SAXO1: variants seen among roughly 807,000 people sequenced by gnomAD.
SAXO1 encodes stabilizer of axonemal microtubules 1.
Under a neutral mutation model 17.5 loss-of-function variants are expected in SAXO1, and 21 were observed. That is an observed-to-expected ratio of 1.20 (90% confidence interval 0.85 to 1.72). SAXO1 has a LOEUF of 1.72. Among genes scored for constraint, SAXO1 ranks in the 40% most tolerant of loss-of-function variants. SAXO1 has a pLI of 0.00. For missense variants in SAXO1, 843 were observed against 596.0 expected (o/e 1.41, Z -4.32); for synonymous variants, 274 against 216.5 (o/e 1.27, Z -2.33).
intron 1 of SAXO1, among the ~76,000 whole-genome samples, chr9:19,008,283 G>A (rs1345568513): frequency 2.0e-5 from 3 of 151,978 alleles, no homozygotes; most frequent in Non-Finnish European, 4.4e-5. Context: ...CAGCCTACCT[G>A]GTCCTTTATA....
In SAXO1 at chr9:18,950,277, A is replaced by G. The variant is rs182424590; in HGVS notation, c.218+481T>C. ...TTGAAGAACATTCAGGAGAACCCCA[A>G]TTCAAAATTTACAGCAGCATAATTT... On this transcript the variant is annotated intron_variant, in intron 2 of 3. Coordinates refer to ENST00000380534, the MANE Select transcript of SAXO1 (RefSeq NM_153707.4). 3.1e-4 allele frequency among the ~76,000 whole-genome samples: 30 copies of G among 96,306 alleles called. No individual in the cohort carries two copies. In the East Asian group the frequency reaches 6.6e-3, roughly 21 times the overall value. The allele number at this position is 96,306 out of a possible 152,430, so 63.2% of individuals were successfully genotyped here. A position where few individuals can be genotyped will look rare whatever the true frequency, so the allele number is the denominator to read the frequency against.
chr9:19,031,386 AC>A (rs1835763740), intron 1 of SAXO1, among the ~76,000 whole-genome samples: 1 of 152,082 alleles, frequency 6.6e-6, no homozygotes, highest in Non-Finnish European at 1.5e-5. Flanking sequence ...CATGGTTGAA[AC>A]CCTGTCTCTA....
At chr9:18,941,554 A>C (rs1588414243) in intron 3 of SAXO1, 83 bp downstream of exon 3, 1 of 1,502,478 alleles carries the variant, frequency 6.7e-7, no homozygotes, top group East Asian at 2.3e-5. Context: ...GCACTAACTG[A>C]GTATGCACAT....
Position 18,962,111 on chromosome 9 carries a change from A to G in SAXO1, c.39-11174T>C, listed in dbSNP as rs563877257. Among the ~76,000 whole-genome samples, 3 of 152,076 alleles carry G rather than the reference A, an allele frequency of 2.0e-5. No individual in the cohort carries two copies. The East Asian group carries it at 5.8e-4, about 29-fold the overall frequency. ...AGATGGAGTTTTGCTCTTGTTGCCC[A>G]AGCAGGAGTGTAATGGCGTAATCAC... On this transcript the variant is annotated intron_variant, in intron 1 of 3. Coordinates refer to ENST00000380534, the MANE Select transcript of SAXO1 (RefSeq NM_153707.4).
intron 1 of SAXO1, among the ~76,000 whole-genome samples, chr9:19,023,138 C>T (rs979685122): frequency 8.0e-6 from 1 of 125,658 alleles, no homozygotes; most frequent in Non-Finnish European, 1.7e-5. Context: ...CACCAGATTA[C>T]ATCCCCCCCC....
intron 1 of SAXO1, among the ~76,000 whole-genome samples, chr9:18,974,017 C>G (rs1833041810): frequency 6.6e-6 from 1 of 152,168 alleles, no homozygotes; most frequent in Non-Finnish European, 1.5e-5. Context: ...GACATTGGTG[C>G]TCAGTATCCA....
chr9:19,013,540 A>ATTTTTTTTT (rs1219136885), intron 1 of SAXO1, among the ~76,000 whole-genome samples: 2 of 93,196 alleles, frequency 2.1e-5, no homozygotes, highest in African/African-American at 4.3e-5. Context: ...AAAAGTACGG[A>ATTTTTTTTT]TTTTTTTTTT....
At chr9:18,929,360 C>G (rs1445781389) in intron 3 of SAXO1, among the ~76,000 whole-genome samples, 1 of 152,210 alleles carries the variant, frequency 6.6e-6, no homozygotes, top group East Asian at 1.9e-4. Context: ...AAAAGTTCAA[C>G]CACTAGCTTA....
In SAXO1 at chr9:18,964,167, G is replaced by C. The variant is rs920004418; in HGVS notation, c.39-13230C>G. Among the ~76,000 whole-genome samples, 6 of 152,158 alleles carry C rather than the reference G, an allele frequency of 3.9e-5. No individual in the cohort carries two copies. The East Asian group carries it at 1.2e-3, about 29-fold the overall frequency. ...GCTTTTTGATGTGCTGCTCGATTCGGTTTGCCAGTATTTTAGTGAGGATTT... is the reference window on the plus strand; with the variant it reads ...GCTTTTTGATGTGCTGCTCGATTCGCTTTGCCAGTATTTTAGTGAGGATTT... On this transcript the variant is annotated intron_variant, in intron 1 of 3. Coordinates refer to ENST00000380534, the MANE Select transcript of SAXO1 (RefSeq NM_153707.4).
chr9:18,985,352 T>C (rs1027844166), intron 1 of SAXO1, among the ~76,000 whole-genome samples: 2 of 152,098 alleles, frequency 1.3e-5, no homozygotes, highest in African/African-American at 4.8e-5. Flanking sequence ...GCGCATGGTA[T>C]TGGAAAAACA....
chr9:18,949,826 C>A (rs1370456056), intron 2 of SAXO1, among the ~76,000 whole-genome samples: 20 of 152,198 alleles, frequency 1.3e-4, no homozygotes, highest in Admixed American at 1.3e-3. Flanking sequence ...GTCACCAGGT[C>A]TGAGGCACCG....
At chr9:18,965,864 T>C (rs1832694830) in intron 1 of SAXO1, among the ~76,000 whole-genome samples, 1 of 152,236 alleles carries the variant, frequency 6.6e-6, no homozygotes, top group Non-Finnish European at 1.5e-5. Flanking sequence ...TTTCGTTATG[T>C]TTTTGCGTGG....
chr9:18,943,214 T>C (rs1831647759), intron 2 of SAXO1, among the ~76,000 whole-genome samples: 1 of 152,146 alleles, frequency 6.6e-6, no homozygotes, highest in African/African-American at 2.4e-5. Flanking sequence ...AAGGAGGAAA[T>C]GGGAGATGCT....
Position 18,928,522 on chromosome 9 carries a change from C to G in SAXO1, c.955G>C (p.Ala319Pro). ...TGAAGTGCAGGTCGGCAGGACTGAG[C>G]TGGGGCACCCTTAGGGCATGTGTAA... Reference protein sequence around the residue: ...AHYTCPKGAPAQSCRPALQIK... With the variant: ...AHYTCPKGAPPQSCRPALQIK... Residue 319 changes from alanine to proline, a missense_variant, in exon 4 of 4, where the codon GCT (alanine) becomes CCT (proline). Coordinates refer to ENST00000380534, the MANE Select transcript of SAXO1 (RefSeq NM_153707.4). 6.2e-7 allele frequency: 1 copy of G among 1,613,974 alleles called. No homozygotes were observed. The highest frequency in any genetic ancestry group is 2.2e-5 in the East Asian group (1 of 44,850).
In SAXO1 at chr9:18,951,767, A is replaced by G. The variant is rs1049797079; in HGVS notation, c.39-830T>C. Among the ~76,000 whole-genome samples, 4 of 152,094 alleles carry G rather than the reference A, an allele frequency of 2.6e-5. No individual in the cohort carries two copies. In the East Asian group the frequency reaches 7.7e-4, roughly 29 times the overall value. On this transcript the variant is annotated intron_variant, in intron 1 of 3. Coordinates refer to ENST00000380534, the MANE Select transcript of SAXO1 (RefSeq NM_153707.4). ...TCTGTCAAGCTCAGGGCCTTTATCA[A>G]CCTTGTTCACTGCTACACTGTACGT...
chr9:19,011,179 C>A (rs887225590), intron 1 of SAXO1, among the ~76,000 whole-genome samples: 1 of 152,200 alleles, frequency 6.6e-6, no homozygotes, highest in Non-Finnish European at 1.5e-5. Context: ...AAGTTCAGAG[C>A]ACTAAAAAGG....
At chr9:19,022,460 G>A (rs182362476) in intron 1 of SAXO1, among the ~76,000 whole-genome samples, 161 of 152,306 alleles carry the variant, frequency 1.1e-3, no homozygotes, top group African/African-American at 3.0e-3. Context: ...GCAAGATAAA[G>A]AACAGGGTAT....
chr9:19,017,805 C>A (rs556904279), intron 1 of SAXO1, among the ~76,000 whole-genome samples: 1 of 152,280 alleles, frequency 6.6e-6, no homozygotes, highest in Admixed American at 6.5e-5. Context: ...GCTAAGAACA[C>A]CAAAACAAAA....
intron 1 of SAXO1, among the ~76,000 whole-genome samples, chr9:18,968,388 A>T (rs1177147222): frequency 1.3e-5 from 2 of 152,176 alleles, no homozygotes; most frequent in Non-Finnish European, 2.9e-5. Context: ...GGATGAATAG[A>T]TGGAGAGATG....
Sources: allele counts gnomAD v4.1 joint callset (sites outside exome capture counted in the v4.1 genomes callset), GRCh38; gene constraint gnomAD v4.1.1; transcripts MANE v1.5; gene names NCBI Gene and HGNC (gene_info 2026-07-23, HGNC 2026-07-21).